Variants in EPB41L4A observed in about 807,000 individuals in gnomAD.
EPB41L4A encodes band 4.1-like protein 4A.
EPB41L4A carries 100 observed loss-of-function variants against 108.6 expected under a neutral mutation model. That is an observed-to-expected ratio of 0.92 (90% CI 0.78 to 1.09). The LOEUF (loss-of-function observed/expected upper bound fraction) is 1.09, where lower values mean the gene tolerates loss of function less well. Ranked by LOEUF, EPB41L4A falls within the 50% of genes least tolerant of loss-of-function variation. The pLI is 0.00. For synonymous variants in EPB41L4A, 319 were observed against 289.0 expected, an observed-to-expected ratio of 1.10 and a Z score of -1.05; for missense variants, 1,030 against 842.7, an observed-to-expected ratio of 1.22 and a Z score of -2.75.
Position 112,418,881 on chromosome 5 carries a change from G to A in EPB41L4A, c.99+60C>T, listed in dbSNP as rs1435181366. On this transcript the variant is annotated intron_variant, in intron 1 of 22. Coordinates refer to ENST00000261486, the MANE Select transcript of EPB41L4A (RefSeq NM_022140.5). ...ACCCACCGGTGACAGCCCTCAAAGC[G>A]ATGGACCCCCGCACCCGCCCTGCCG... 4.3e-6 allele frequency: 6 copies of A among 1,380,036 alleles called. No homozygotes were observed. The African/African-American group carries it at 7.2e-5, about 17-fold the overall frequency. The allele number at this position is 1,380,036 out of a possible 1,614,324, so 85.5% of individuals were successfully genotyped here.
At chr5:112,392,350 C>A (rs1351728741) in intron 1 of EPB41L4A, among the ~76,000 whole-genome samples, 12 of 118,154 alleles carry the variant, frequency 1.0e-4, no homozygotes, top group Non-Finnish European at 1.8e-4. Flanking sequence ...CAGAGACACA[C>A]ATAGGCTCAA....
Position 112,304,836 on chromosome 5 carries a change from C to T in EPB41L4A, c.204+2550G>A, listed in dbSNP as rs958836175. On this transcript the variant is annotated intron_variant, in intron 2 of 22. Coordinates refer to ENST00000261486, the MANE Select transcript of EPB41L4A (RefSeq NM_022140.5). ...GAAAAAGCATTTTATTGTCAATTTA[C>T]GATAAGCATATCAAGATTCAGAAAA... is the stretch of plus-strand genomic sequence containing the variant. Among the ~76,000 whole-genome samples the T allele has an allele frequency of 5.9e-5, 9 of 152,222 alleles. No individual in the cohort carries two copies. In the South Asian group the frequency reaches 1.9e-3, roughly 32 times the overall value.
At chr5:112,234,869 C>T (rs1412511341) in intron 11 of EPB41L4A, 114 bp from the exon 12 acceptor site, 1 of 1,162,960 alleles carries the variant, frequency 8.6e-7, no homozygotes, top group Non-Finnish European at 1.2e-6. Context: ...CACACAGACT[C>T]CCTGGTTTTT....
chr5:112,397,945 C>T (rs1314824564), intron 1 of EPB41L4A, among the ~76,000 whole-genome samples: 2 of 152,280 alleles, frequency 1.3e-5, no homozygotes, highest in South Asian at 2.1e-4. Flanking sequence ...CATGTGGCCC[C>T]ACATATCAAA....
At position 112,346,312 on chromosome 5, in the gene EPB41L4A, G is replaced by A. The variant is rs192656042; in HGVS notation, c.100-38822C>T. ...GTGATCTCGGCTCACTGCAACCTCC[G>A]CCTCCCGGGTTCAAGCGATTCTCCT... On this transcript the variant is annotated intron_variant, in intron 1 of 22. Transcript: ENST00000261486. Among the ~76,000 whole-genome samples, 550 of 129,758 alleles carry A rather than the reference G, an allele frequency of 4.2e-3. 3 individuals carry two copies. The highest frequency in any genetic ancestry group is 6.7e-3 in the Non-Finnish European group (420 of 62,848). 85.1% of individuals were successfully genotyped at this position (129,758 alleles called of 152,430 possible).
At chr5:112,266,884 A>T (rs531078186) in intron 4 of EPB41L4A, among the ~76,000 whole-genome samples, 8 of 152,358 alleles carry the variant, frequency 5.3e-5, no homozygotes, top group African/African-American at 1.9e-4. Flanking sequence ...ACGGTAACTC[A>T]TTCTAAGTAA....
chr5:112,273,035 G>A (rs769497453), intron 4 of EPB41L4A, among the ~76,000 whole-genome samples: 2 of 152,080 alleles, frequency 1.3e-5, no homozygotes, highest in Non-Finnish European at 2.9e-5. Context: ...TCCTTAAATA[G>A]CATATATCTG....
intron 13 of EPB41L4A, chr5:112,207,089 C>T (rs775428389): frequency 2.0e-5 from 3 of 152,118 alleles, no homozygotes; most frequent in Non-Finnish European, 4.4e-5. Context: ...CAAAAACTGA[C>T]AAAAAGACCA....
At chr5:112,393,348 A>T (rs1046774839) in intron 1 of EPB41L4A, among the ~76,000 whole-genome samples, 25 of 152,186 alleles carry the variant, frequency 1.6e-4, no homozygotes, top group Non-Finnish European at 3.5e-4. Context: ...CGCTAGCAAG[A>T]CTAATAAAGA....
At chr5:112,297,181 G>T (rs1435578486) in intron 2 of EPB41L4A, among the ~76,000 whole-genome samples, 7 of 152,092 alleles carry the variant, frequency 4.6e-5, no homozygotes, top group African/African-American at 1.7e-4. Flanking sequence ...GATCAAATGG[G>T]AGTTATACTT....
rs200187588 is a variant in EPB41L4A, at chr5:112,366,760, G to T, written c.99+52181C>A. On this transcript the variant is annotated intron_variant, in intron 1 of 22. Transcript: ENST00000261486. The stretch of plus-strand genomic sequence containing the variant: ...TTAGGATGGACAATACAACCAGGGG[G>T]ACAAATGAAAGGTGCACTGCAGGAG... Among the ~76,000 whole-genome samples, 17 of 152,236 alleles carry T rather than the reference G, an allele frequency of 1.1e-4. No homozygotes were observed. The East Asian group carries it at 2.7e-3, about 24-fold the overall frequency.
chr5:112,289,791 C>T lies in EPB41L4A; in HGVS notation c.205-9468G>A, dbSNP rs537211073. On this transcript the variant is annotated intron_variant, in intron 2 of 22. Transcript: ENST00000261486. ...AGACACTAAGTAGAACAGACATGAG[C>T]GGGCCCTCCCAAGCCCTGCCAAAGT... Among the ~76,000 whole-genome samples the T allele has an allele frequency of 7.2e-5, 11 of 152,326 alleles. No homozygotes were observed. The South Asian group carries it at 2.1e-3, about 29-fold the overall frequency.
intron 4 of EPB41L4A, among the ~76,000 whole-genome samples, chr5:112,272,849 CAT>C (rs1017723341): frequency 2.8e-5 from 4 of 143,834 alleles, no homozygotes; most frequent in African/African-American, 1.0e-4. Context: ...GAAATAGTAA[CAT>C]GTCAAAAAAA....
chr5:112,195,804 T>C, intron 15 of EPB41L4A, 96 bp from the exon 16 acceptor site: 2 of 1,042,446 alleles, frequency 1.9e-6, no homozygotes, highest in East Asian at 2.4e-5. Context: ...TAACACATAT[T>C]TGTCATACAT....
intron 12 of EPB41L4A, among the ~76,000 whole-genome samples, chr5:112,214,473 A>G (rs1047637602): frequency 3.3e-5 from 5 of 152,328 alleles, no homozygotes; most frequent in Non-Finnish European, 7.4e-5. Flanking sequence ...GAATTAAAAC[A>G]CAGAGGGCAG....
chr5:112,206,672 A>C (rs572690855), intron 13 of EPB41L4A, among the ~76,000 whole-genome samples: 1 of 152,320 alleles, frequency 6.6e-6, no homozygotes, highest in Non-Finnish European at 1.5e-5. Context: ...TAGGGAGATA[A>C]AAGAGGAACT....
intron 12 of EPB41L4A, among the ~76,000 whole-genome samples, chr5:112,149,293 A>T (rs909288404): frequency 1.3e-5 from 2 of 152,158 alleles, no homozygotes; most frequent in Non-Finnish European, 2.9e-5. Flanking sequence ...CACATGATGA[A>T]ACACTGTCTC....
At chr5:112,335,380 T>C (rs1756851468) in intron 1 of EPB41L4A, among the ~76,000 whole-genome samples, 1 of 152,216 alleles carries the variant, frequency 6.6e-6, no homozygotes, top group Non-Finnish European at 1.5e-5. Context: ...TGTAGATGTA[T>C]AAGCAGAAAA....
At chr5:112,176,823 C>T (rs1453926842) in intron 18 of EPB41L4A, among the ~76,000 whole-genome samples, 1 of 137,396 alleles carries the variant, frequency 7.3e-6, no homozygotes, top group Non-Finnish European at 1.5e-5. Context: ...GGCGCCATCT[C>T]GGCTTACTGC....
Sources: gnomAD v4.1 joint callset for allele counts (sites outside exome capture counted in the v4.1 genomes callset) on GRCh38, gnomAD v4.1.1 for gene constraint, MANE v1.5 for transcripts, NCBI Gene and HGNC (gene_info 2026-07-23, HGNC 2026-07-21) for gene names.